Variants in RUNX3 observed in about 807,000 individuals in gnomAD.
The protein encoded by RUNX3 is RUNX family transcription factor 3, also known as runt-related transcription factor 3.
A neutral mutation model predicts 27.7 loss-of-function variants in RUNX3; 10 were observed. The ratio of observed to expected loss-of-function variants is 0.36; its 90% confidence interval spans 0.22 to 0.61. The LOEUF is 0.61. Among genes scored for constraint, RUNX3 ranks in the 20% least tolerant of loss-of-function variants. The pLI is 0.72. For missense variants in RUNX3, 469 were observed against 629.5 expected, an observed-to-expected ratio of 0.75 and a Z score of 2.73; for synonymous variants, 270 against 269.2, an observed-to-expected ratio of 1.00 and a Z score of -0.03.
intron 3 of RUNX3, among the ~76,000 whole-genome samples, chr1:24,913,927 G>A (rs1640840272): frequency 6.6e-6 from 1 of 152,244 alleles, no homozygotes; most frequent in African/African-American, 2.4e-5. Context: ...GATGTGCCGG[G>A]CACTGTGCAA....
At chr1:24,914,711 G>A (rs1571310522) in intron 3 of RUNX3, among the ~76,000 whole-genome samples, 1 of 152,146 alleles carries the variant, frequency 6.6e-6, no homozygotes, top group Non-Finnish European at 1.5e-5. Context: ...TGGGGGTTGT[G>A]GGGATCTTGG....
chr1:24,958,345 A>T (rs1334493053), intron 2 of RUNX3, among the ~76,000 whole-genome samples: 1 of 152,226 alleles, frequency 6.6e-6, no homozygotes, highest in African/African-American at 2.4e-5. Flanking sequence ...AAGGCGGATG[A>T]TTGGACCCCA....
intron 2 of RUNX3, among the ~76,000 whole-genome samples, chr1:24,919,766 G>C (rs2124284036): frequency 6.6e-6 from 1 of 151,484 alleles, no homozygotes; most frequent in Non-Finnish European, 1.5e-5. Context: ...CCCCCCCACG[G>C]TTCCACTAGC....
chr1:24,903,891 G>A (rs1168048591), intron 4 of RUNX3, among the ~76,000 whole-genome samples: 2 of 152,244 alleles, frequency 1.3e-5, no homozygotes, highest in Admixed American at 6.5e-5. Flanking sequence ...TATAAAACAT[G>A]AGACGATAAC....
At chr1:24,907,223 C>T (rs912973512) in intron 4 of RUNX3, 36 bp downstream of exon 4, 1 of 1,595,306 alleles carries the variant, frequency 6.3e-7, no homozygotes, top group South Asian at 1.1e-5. Flanking sequence ...TCCACCCCCA[C>T]CTCACCCCGC....
Position 24,902,474 on chromosome 1 carries a change from G to C in RUNX3, c.896C>G (p.Ala299Gly). The change falls in exon 5 of 5, where the codon GCC becomes GGC. Residue 299 changes from alanine to glycine, a missense_variant. By Grantham distance (60) the Ala-to-Gly change is moderately conservative. Around this residue, in one of 3 missense-constraint regions of RUNX3, gnomAD observed 279 missense variants for 343.0 expected, o/e 0.81. Transcript: ENST00000308873. The surrounding 1 kb of genome is among the most constrained non-coding windows in gnomAD (Gnocchi z 9.2). ...GTAGGTATGGTGGAAGCGGCTGGTGGCCGGCATGCCCGCCACGCTGAGGCT... is the reference window on the plus strand; with the variant it reads ...GTAGGTATGGTGGAAGCGGCTGGTGCCCGGCATGCCCGCCACGCTGAGGCT... ...ISSLSVAGMP[A>G]TSRFHHTYLP... 6.3e-7 allele frequency: 1 copy of C among 1,599,950 alleles called. No individual in the cohort carries two copies. The highest frequency in any genetic ancestry group is 1.1e-5 in the South Asian group (1 of 90,742).
chr1:24,961,180 C>T (rs886209840), intron 2 of RUNX3, among the ~76,000 whole-genome samples: 1 of 152,042 alleles, frequency 6.6e-6, no homozygotes, highest in African/African-American at 2.4e-5. Context: ...GGGTGGGAGC[C>T]GTGGGAATGT....
intron 3 of RUNX3, among the ~76,000 whole-genome samples, chr1:24,907,663 C>T (rs895720638): frequency 6.6e-6 from 1 of 152,134 alleles, no homozygotes; most frequent in Non-Finnish European, 1.5e-5. Context: ...CTCTACAACA[C>T]GCGGTGATCT....
At position 24,902,020 on chromosome 1, in the gene RUNX3, A is replaced by G. The variant is rs549946452; in HGVS notation, c.*102T>C. On this transcript the variant is annotated 3_prime_UTR_variant, in exon 5 of 5. Coordinates refer to ENST00000308873, the MANE Select transcript of RUNX3 (RefSeq NM_004350.3). This position sits in a 1 kb window ranked among gnomAD's most constrained non-coding sequence, Gnocchi z 9.2. ...CACCCTGGGACCGAGACCACCCTGG[A>G]GCGCAGGTCCCATTCCCGCCCGGAG... 82 of 1,124,680 alleles carry G rather than the reference A, an allele frequency of 7.3e-5. No homozygotes were observed. The African/African-American group carries it at 1.0e-3, about 14-fold the overall frequency. 69.7% of individuals were successfully genotyped at this position (1,124,680 alleles called of 1,614,324 possible).
chr1:24,960,322 G>A (rs1642073183), intron 2 of RUNX3, among the ~76,000 whole-genome samples: 1 of 152,212 alleles, frequency 6.6e-6, no homozygotes, highest in Admixed American at 6.5e-5. Flanking sequence ...GCTCTGCAAG[G>A]TTGGTGTAAC....
chr1:24,915,968 C>T (rs749958033), intron 3 of RUNX3, among the ~76,000 whole-genome samples: 15 of 152,216 alleles, frequency 9.9e-5, no homozygotes, highest in Non-Finnish European at 2.1e-4. Context: ...CGAGGCCACA[C>T]AGGCAGGAAG....
At position 24,901,045 on chromosome 1, in the gene RUNX3, T is replaced by TTG. The variant is rs1557833112; in HGVS notation, c.*1076_*1077insCA. The TTG allele has an allele frequency of 2.0e-5, 3 of 148,786 alleles. No homozygotes were observed. Among genetic ancestry groups the TTG allele is most frequent in the African/African-American group, 7.5e-5 (3 of 39,944 alleles). 9.2% of individuals were successfully genotyped at this position (148,786 alleles called of 1,614,324 possible). On this transcript the variant is annotated 3_prime_UTR_variant, in exon 5 of 5. Transcript: ENST00000308873. The stretch of plus-strand genomic sequence containing the variant: ...TTTTTTTTGTTTTTTTGTTTTTTTT[T>TTG]TTTTTTTGCTCAGGACTATTTGCTT...
intron 2 of RUNX3, among the ~76,000 whole-genome samples, chr1:24,937,236 G>A (rs1170352300): frequency 6.6e-6 from 1 of 152,178 alleles, no homozygotes; most frequent in Non-Finnish European, 1.5e-5. Flanking sequence ...CCATGCAGTC[G>A]CACAGGGCCC....
intron 3 of RUNX3, among the ~76,000 whole-genome samples, chr1:24,908,993 C>T (rs1488597258): frequency 6.6e-6 from 1 of 152,144 alleles, no homozygotes; most frequent in Non-Finnish European, 1.5e-5. Context: ...AAGCTGGGGT[C>T]AGGGGACGAG....
chr1:24,904,449 T>G lies in RUNX3; in HGVS notation c.704-1783A>C, dbSNP rs1640622907. On this transcript the variant is annotated intron_variant, in intron 4 of 4. Transcript: ENST00000308873. This position sits in a 1 kb window ranked among gnomAD's most constrained non-coding sequence, Gnocchi z 5.7. ...CGGGGGCCTTCTGGGACATCTGGGA[T>G]GTTCCCTAGTAGGTCACTTGGCTGT... Among the ~76,000 whole-genome samples, 1 of 152,142 alleles carries G rather than the reference T, an allele frequency of 6.6e-6. No homozygotes were observed.
intron 2 of RUNX3, among the ~76,000 whole-genome samples, chr1:24,940,619 C>T (rs1370686881): frequency 1.3e-5 from 2 of 151,798 alleles, no homozygotes; most frequent in Non-Finnish European, 2.9e-5. Context: ...CATAGCTAGG[C>T]GTGGTAACTT....
Position 24,907,339 on chromosome 1 carries a change from A to G in RUNX3, c.623T>C (p.Val208Ala). The G allele has an allele frequency of 6.2e-7, 1 of 1,613,400 alleles. No homozygotes were observed. The highest frequency in any genetic ancestry group is 1.1e-5 in the South Asian group (1 of 91,054). ...FGDLERLRMR[V>A]TPSTPSPRGS... ...TCGGGGGCTGGGTGTGCTCGGTGTC[A>G]CCCGCATGCGCAGCCGTTCCAGGTC... The change falls in exon 4 of 5, where the codon GTG (valine) becomes GCG (alanine). Residue 208 changes from valine (V) to alanine (A), a missense_variant. Physicochemically the swap from Val to Ala is moderately conservative, Grantham distance 64 (BLOSUM62 0). This residue lies in a region of RUNX3 where 279 missense variants were observed against 343.0 expected (regional missense o/e 0.81). Transcript: ENST00000308873.
rs1044945390 is a variant in RUNX3 at position 24,916,277 on chromosome 1, G to C, written c.544+2963C>G. ...GGGGCACTTCCTGGGGCCAGGCCCC[G>C]GTAAACTCAGTCAACCTTCACAGCG... On this transcript the variant is annotated intron_variant, in intron 3 of 4. Transcript: ENST00000308873. This position sits in a 1 kb window ranked among gnomAD's most constrained non-coding sequence, Gnocchi z 4.8. Among the ~76,000 whole-genome samples, 1 of 152,190 alleles carries C rather than the reference G, an allele frequency of 6.6e-6. No homozygotes were observed. The highest frequency in any genetic ancestry group is 2.4e-5 in the African/African-American group (1 of 41,430).
chr1:24,920,665 C>T (rs1233443456), intron 2 of RUNX3, among the ~76,000 whole-genome samples: 1 of 152,136 alleles, frequency 6.6e-6, no homozygotes, highest in Non-Finnish European at 1.5e-5. Flanking sequence ...TATTTGTGGC[C>T]ATCAGTTTCC....
Sources: allele counts gnomAD v4.1 joint callset (sites outside exome capture counted in the v4.1 genomes callset), GRCh38; gene constraint gnomAD v4.1.1; regional missense constraint gnomAD v4.1.1; non-coding constraint Gnocchi (gnomAD v3.1); transcripts MANE v1.5; gene names NCBI Gene and HGNC (gene_info 2026-07-23, HGNC 2026-07-21).